Variants in RAB17 observed in about 807,000 individuals in gnomAD.
RAB17 encodes ras-related protein Rab-17.
Under a neutral mutation model 19.3 loss-of-function variants are expected in RAB17, and 15 were observed. The ratio of observed to expected loss-of-function variants is 0.78; its 90% CI spans 0.52 to 1.20. The LOEUF is 1.20. RAB17 is among the 50% of genes most tolerant of loss of function. RAB17 has a pLI of 0.00. For synonymous variants in RAB17, 110 were observed against 112.8 expected (o/e 0.97, Z 0.16); for missense variants, 262 against 269.3 (o/e 0.97, Z 0.19).
intron 2 of RAB17, among the ~76,000 whole-genome samples, chr2:237,582,368 G>T (rs988195461): frequency 2.0e-5 from 3 of 152,218 alleles, no homozygotes; most frequent in African/African-American, 7.2e-5. Flanking sequence ...CTCGGACAGG[G>T]CCGGCCTTGG....
chr2:237,577,566 C>G, intron 3 of RAB17, 184 bp from the exon 4 acceptor site: 1 of 653,958 alleles, frequency 1.5e-6, no homozygotes, highest in Non-Finnish European at 2.5e-6. Context: ...CCTGGGTGAC[C>G]TGTGCGGCCA....
intron 2 of RAB17, among the ~76,000 whole-genome samples, chr2:237,580,762 G>C (rs533559791): frequency 6.6e-6 from 1 of 151,910 alleles, no homozygotes; most frequent in Non-Finnish European, 1.5e-5. Flanking sequence ...AGAAGGGGGG[G>C]GAGGAGGGGA....
chr2:237,583,421 T>C (rs2081323080), intron 2 of RAB17, among the ~76,000 whole-genome samples: 1 of 152,238 alleles, frequency 6.6e-6, no homozygotes, highest in East Asian at 1.9e-4. Flanking sequence ...TATCCCAAGG[T>C]GTGACGCAGA....
intron 1 of RAB17, among the ~76,000 whole-genome samples, chr2:237,588,205 A>G (rs13387669): frequency 0.26 from 39,806 of 151,906 alleles, 6,882 homozygotes; most frequent in African/African-American, 0.5. Context: ...TCGTTAATCC[A>G]CGCCCAGCAC....
At chr2:237,575,519 G>A (rs2081255010) in intron 4 of RAB17, 39 bp from the exon 5 acceptor site, 3 of 1,496,370 alleles carry the variant, frequency 2.0e-6, no homozygotes, top group Non-Finnish European at 2.8e-6. Context: ...CTGTTTATAA[G>A]AGAGTTTCCT....
chr2:237,588,474 C>G (rs777861414), intron 1 of RAB17, among the ~76,000 whole-genome samples: 1 of 152,182 alleles, frequency 6.6e-6, no homozygotes, highest in Non-Finnish European at 1.5e-5. Context: ...GGAACTTAGT[C>G]CAGCAGATGA....
intron 3 of RAB17, chr2:237,577,757 C>A (rs57993660): frequency 8.3e-4 from 427 of 517,516 alleles, no homozygotes; most frequent in African/African-American, 6.3e-3. Context: ...AACCCTGACC[C>A]TAATGCAGCA....
chr2:237,580,653 C>T (rs560469200), intron 2 of RAB17, among the ~76,000 whole-genome samples: 79 of 152,146 alleles, frequency 5.2e-4, no homozygotes, highest in African/African-American at 1.9e-3. Context: ...GCAGGAGAAT[C>T]GCTTGAACCC....
At chr2:237,583,132 G>A (rs2081320729) in intron 2 of RAB17, among the ~76,000 whole-genome samples, 1 of 152,044 alleles carries the variant, frequency 6.6e-6, no homozygotes, top group Non-Finnish European at 1.5e-5. Flanking sequence ...ATTAACATAG[G>A]CCGGGTGCAG....
intron 1 of RAB17, 80 bp downstream of exon 1, chr2:237,590,385 ACT>A (rs1032389429): frequency 6.6e-6 from 1 of 152,430 alleles, no homozygotes; most frequent in Non-Finnish European, 1.5e-5. Flanking sequence ...ACACACAGAG[ACT>A]CACACACAGA....
intron 1 of RAB17, among the ~76,000 whole-genome samples, chr2:237,586,807 A>G (rs2081353763): frequency 6.6e-6 from 1 of 152,190 alleles, no homozygotes; most frequent in African/African-American, 2.4e-5. Context: ...CGATGGGCCC[A>G]TAGACCCACC....
chr2:237,574,513 C>T lies in RAB17; in HGVS notation c.*506G>A. On this transcript the variant is annotated 3_prime_UTR_variant, in exon 6 of 6. Coordinates refer to ENST00000264601, the MANE Select transcript of RAB17 (RefSeq NM_022449.4). ...GCTGCCCTTCCCAGGGGCAACTTCA[C>T]CAAGATGTGGAAATCCTGGGCCCAC... 2 of 1,550,558 alleles carry T rather than the reference C, an allele frequency of 1.3e-6. No homozygotes were observed. The highest frequency in any genetic ancestry group is 1.7e-6 in the Non-Finnish European group (2 of 1,146,942).
intron 2 of RAB17, among the ~76,000 whole-genome samples, chr2:237,581,598 T>TA (rs2081309372): frequency 6.6e-6 from 1 of 152,182 alleles, no homozygotes; most frequent in Admixed American, 6.5e-5. Context: ...TTGCTTTTTT[T>TA]ACCTTTTAAT....
At chr2:237,575,690 A>T (rs2081256950) in intron 4 of RAB17, 1 of 533,756 alleles carries the variant, frequency 1.9e-6, no homozygotes, top group East Asian at 3.0e-5. Context: ...CTCTTCCTCT[A>T]GCTGGCGGGG....
Position 237,577,319 on chromosome 2 carries a change from C to A in RAB17, c.373G>T (p.Val125Phe). 6.2e-7 allele frequency: 1 copy of A among 1,613,958 alleles called. No individual in the cohort carries two copies. The highest frequency in any genetic ancestry group is 8.5e-7 in the Non-Finnish European group (1 of 1,179,884). Residue 125 changes from valine (V) to phenylalanine (F), a missense_variant, in exon 4 of 6, where the codon GTC (valine) becomes TTC (phenylalanine). By Grantham distance (50) the Val-to-Phe change is conservative (BLOSUM62 -1). Transcript: ENST00000264601. ...DLEEELHPGE[V>F]LVMLVGNKTD... The stretch of plus-strand genomic sequence containing the variant: ...TTGTTGCCCACCAGCATCACCAGGA[C>A]TTCTCCTGGGTGCAGCTCCTCCTCC...
chr2:237,577,877 G>A, intron 3 of RAB17, 127 bp downstream of exon 3: 1 of 1,067,990 alleles, frequency 9.4e-7, no homozygotes, highest in East Asian at 2.4e-5. Flanking sequence ...CATCCTGGAG[G>A]AGGTGACTGT....
At position 237,574,647 on chromosome 2, in the gene RAB17, T is replaced by A; in HGVS notation, c.*372A>T. The stretch of plus-strand genomic sequence containing the variant: ...CCCAGGCTCCAGGCCAGTGCCCCCA[T>A]CAAGATCAGACGTAAGGCATCTTCC... On this transcript the variant is annotated 3_prime_UTR_variant, in exon 6 of 6. Coordinates refer to ENST00000264601, the MANE Select transcript of RAB17 (RefSeq NM_022449.4). 6.7e-6 allele frequency: 10 copies of A among 1,484,630 alleles called. No individual in the cohort carries two copies. In the South Asian group the frequency reaches 1.2e-4, roughly 18 times the overall value. The allele number at this position is 1,484,630 out of a possible 1,614,324, so 92.0% of individuals were successfully genotyped here.
At position 237,575,087 on chromosome 2, in the gene RAB17, G is replaced by C; in HGVS notation, c.571C>G (p.Leu191Val). The C allele has an allele frequency of 1.2e-6, 2 of 1,613,708 alleles. No individual in the cohort carries two copies. Among genetic ancestry groups the C allele is most frequent in the South Asian group, 2.2e-5 (2 of 91,008 alleles). ...AGAGCCACAGCTGCATCCCCCCGTA[G>C]AGCCTGGCCCTCCTCGTCGCTTCTC... is the stretch of plus-strand genomic sequence containing the variant. ...LQRSDEEGQA[L>V]RGDAAVALNK... Residue 191 changes from leucine (L) to valine (V), a missense_variant, in exon 6 of 6, where the codon CTA becomes GTA. Coordinates refer to ENST00000264601, the MANE Select transcript of RAB17 (RefSeq NM_022449.4).
intron 2 of RAB17, among the ~76,000 whole-genome samples, chr2:237,583,990 C>G (rs921352360): frequency 6.6e-6 from 1 of 151,162 alleles, no homozygotes; most frequent in Non-Finnish European, 1.5e-5. Context: ...CACCCCCCGA[C>G]CCTGGTAGGC....
Sources: allele counts gnomAD v4.1 joint callset (sites outside exome capture counted in the v4.1 genomes callset), GRCh38; gene constraint gnomAD v4.1.1; transcripts MANE v1.5; gene names NCBI Gene and HGNC (gene_info 2026-07-23, HGNC 2026-07-21).